GRIN3A: variants seen among roughly 807,000 people sequenced by gnomAD.
GRIN3A encodes the protein glutamate ionotropic receptor NMDA type subunit 3A.
In GRIN3A, 47 loss-of-function variants were observed where a neutral mutation model predicts 92.4. The observed-to-expected ratio is 0.51, with a 90% CI of 0.40 to 0.65. The LOEUF is 0.65. Among genes scored for constraint, GRIN3A ranks in the 30% least tolerant of loss-of-function variants. The probability of loss-of-function intolerance (pLI) is 0.00; values close to 1 mark genes in which losing one functional copy is unlikely to be tolerated. For synonymous variants in GRIN3A, 527 were observed against 540.6 expected, an observed-to-expected ratio of 0.97 and a Z score of 0.35; for missense variants, 1,324 against 1,393.1, an observed-to-expected ratio of 0.95 and a Z score of 0.79.
intron 5 of GRIN3A, among the ~76,000 whole-genome samples, chr9:101,619,867 C>T (rs1828524614): frequency 6.6e-6 from 1 of 152,034 alleles, no homozygotes; most frequent in Non-Finnish European, 1.5e-5. Context: ...TTTTTTCTCC[C>T]CTGCACACAA....
intron 3 of GRIN3A, among the ~76,000 whole-genome samples, chr9:101,652,065 G>A (rs1829021910): frequency 6.6e-6 from 1 of 151,974 alleles, no homozygotes; most frequent in Non-Finnish European, 1.5e-5. Context: ...CATTTAAACA[G>A]GTCAGCTACT....
At chr9:101,689,715 C>A (rs1231294182) in intron 1 of GRIN3A, among the ~76,000 whole-genome samples, 1 of 150,484 alleles carries the variant, frequency 6.6e-6, no homozygotes, top group Non-Finnish European at 1.5e-5. Flanking sequence ...CACACATATG[C>A]ACATGCATAC....
At chr9:101,608,037 G>C (rs1828309252) in intron 6 of GRIN3A, among the ~76,000 whole-genome samples, 1 of 152,188 alleles carries the variant, frequency 6.6e-6, no homozygotes, top group Non-Finnish European at 1.5e-5. Context: ...TGTCACACAA[G>C]AATATGCATT....
chr9:101,577,890 T>C, intron 7 of GRIN3A, 46 bp from the exon 8 acceptor site: 1 of 1,384,768 alleles, frequency 7.2e-7, no homozygotes. Flanking sequence ...GAGAAACACA[T>C]AGGTCAGGGA....
Position 101,737,434 on chromosome 9 carries a change from T to C in GRIN3A, c.546A>G (p.Gln182=), listed in dbSNP as rs749009954. ...PWSSDPFSFL[Q]SVCHTVVVQG... Reference sequence around the variant, plus strand: ...GCACCACCACGGTATGGCACACACTTTGCAGGAAGGAGAAAGGGTCACTGC... The same window carrying C: ...GCACCACCACGGTATGGCACACACTCTGCAGGAAGGAGAAAGGGTCACTGC... The change falls in exon 1 of 9, where the codon CAA becomes CAG. Residue 182 remains glutamine (Q), a synonymous_variant. Transcript: ENST00000361820. The C allele has an allele frequency of 6.2e-7, 1 of 1,614,216 alleles. No homozygotes were observed. The highest frequency in any genetic ancestry group is 2.2e-5 in the East Asian group (1 of 44,874).
intron 1 of GRIN3A, among the ~76,000 whole-genome samples, chr9:101,723,884 A>G (rs569317814): frequency 6.6e-6 from 1 of 152,156 alleles, no homozygotes; most frequent in African/African-American, 2.4e-5. Flanking sequence ...TGGACTAGAC[A>G]TAAAGGTTCT....
At chr9:101,658,052 T>C (rs1310686803) in intron 3 of GRIN3A, among the ~76,000 whole-genome samples, 1 of 151,852 alleles carries the variant, frequency 6.6e-6, no homozygotes, top group Non-Finnish European at 1.5e-5. Flanking sequence ...ATAAATCAGG[T>C]AGGGGAGAAC....
At chr9:101,622,738 A>G (rs914232716) in intron 5 of GRIN3A, among the ~76,000 whole-genome samples, 1 of 152,162 alleles carries the variant, frequency 6.6e-6, no homozygotes, top group Non-Finnish European at 1.5e-5. Context: ...ATCTAATTGT[A>G]CAATTATGAA....
intron 3 of GRIN3A, among the ~76,000 whole-genome samples, chr9:101,669,775 T>C (rs904223487): frequency 6.6e-6 from 1 of 151,810 alleles, no homozygotes; most frequent in African/African-American, 2.4e-5. Context: ...ATCTATCAGA[T>C]GGTCAAATAA....
chr9:101,646,534 G>A (rs961025704), intron 3 of GRIN3A, among the ~76,000 whole-genome samples: 6 of 151,746 alleles, frequency 4.0e-5, no homozygotes, highest in Non-Finnish European at 7.4e-5. Flanking sequence ...TTTTAGAATT[G>A]TTTTCTCTAT....
At chr9:101,711,583 T>G (rs553291657) in intron 1 of GRIN3A, among the ~76,000 whole-genome samples, 14 of 152,278 alleles carry the variant, frequency 9.2e-5, no homozygotes, top group African/African-American at 1.4e-4. Context: ...GTTTGCTGCT[T>G]CTTGTCTGTC....
At chr9:101,617,205 T>TA (rs61141843) in intron 5 of GRIN3A, among the ~76,000 whole-genome samples, 29,077 of 106,764 alleles carry the variant, frequency 0.27, 3,977 homozygotes, top group Non-Finnish European at 0.32. Context: ...AGACTCCGTC[T>TA]AAAAAAAAAA....
chr9:101,693,327 C>T (rs184414573), intron 1 of GRIN3A, among the ~76,000 whole-genome samples: 154 of 150,532 alleles, frequency 1.0e-3, no homozygotes, highest in African/African-American at 3.4e-3. Flanking sequence ...AACTGAGGAA[C>T]GAGAGTTGCT....
chr9:101,727,786 CTG>C (rs1423201023), intron 1 of GRIN3A, among the ~76,000 whole-genome samples: 3 of 150,834 alleles, frequency 2.0e-5, no homozygotes, highest in African/African-American at 7.3e-5. Context: ...TCTTGTGAGA[CTG>C]GATTCCTAGG....
chr9:101,577,950 G>A, intron 7 of GRIN3A, 106 bp from the exon 8 acceptor site: 1 of 822,674 alleles, frequency 1.2e-6, no homozygotes, highest in South Asian at 1.4e-5. Flanking sequence ...TACAAACCTT[G>A]GCCTCTTTAA....
intron 1 of GRIN3A, among the ~76,000 whole-genome samples, chr9:101,725,344 C>T (rs1830070788): frequency 6.6e-6 from 1 of 151,932 alleles, no homozygotes; most frequent in Admixed American, 6.6e-5. Context: ...TATTAAAAGG[C>T]TATTCAAAAG....
intron 6 of GRIN3A, among the ~76,000 whole-genome samples, chr9:101,585,913 A>T (rs865862056): frequency 6.6e-6 from 1 of 151,996 alleles, no homozygotes; most frequent in Non-Finnish European, 1.5e-5. Flanking sequence ...GCCTCACAAG[A>T]TCTATTTCCT....
In GRIN3A at chr9:101,573,370, C is replaced by G. The variant is rs773033265; in HGVS notation, c.3152G>C (p.Arg1051Thr). The change falls in exon 9 of 9, where the codon AGG becomes ACG. Residue 1051 changes from arginine to threonine, a missense_variant. Coordinates refer to ENST00000361820, the MANE Select transcript of GRIN3A (RefSeq NM_133445.3). ...RIHQDIPLPP[R>T]RRELPALRTT... ...CCGCAAGGCAGGGAGCTCTCTTCTC[C>G]TTGGAGGGAGGGGGATGTCCTGGTG... 3.5e-5 allele frequency: 56 copies of G among 1,613,922 alleles called. No homozygotes were observed. The highest frequency in any genetic ancestry group is 4.5e-5 in the Non-Finnish European group (53 of 1,179,982).
At chr9:101,692,253 T>C (rs1185704701) in intron 1 of GRIN3A, among the ~76,000 whole-genome samples, 3 of 151,546 alleles carry the variant, frequency 2.0e-5, no homozygotes, top group African/African-American at 4.8e-5. Context: ...GGAGATACTA[T>C]GTTTACAGTA....
Sources: gnomAD v4.1 joint callset for allele counts (sites outside exome capture counted in the v4.1 genomes callset) on GRCh38, gnomAD v4.1.1 for gene constraint, MANE v1.5 for transcripts, NCBI Gene and HGNC (gene_info 2026-07-23, HGNC 2026-07-21) for gene names.